The following DIP2B variants were observed in gnomAD, a reference collection of about 807,000 sequenced individuals.
DIP2B encodes DIP2 acetate--CoA ligase B (putative).
A neutral mutation model predicts 198.0 loss-of-function variants in DIP2B; 76 were observed. The observed-to-expected ratio is 0.38, with a 90% CI of 0.32 to 0.46. The LOEUF is 0.46. Among genes scored for constraint, DIP2B ranks in the 20% least tolerant of loss-of-function variants. The probability of loss-of-function intolerance (pLI) is 0.99; values close to 1 mark genes in which losing one functional copy is unlikely to be tolerated. For synonymous variants in DIP2B, 701 were observed against 739.1 expected, an observed-to-expected ratio of 0.95 and a Z score of 0.84; for missense variants, 1,559 against 1,978.4, an observed-to-expected ratio of 0.79 and a Z score of 4.02.
intron 1 of DIP2B, among the ~76,000 whole-genome samples, chr12:50,557,981 T>TA (rs1283035694): frequency 1.3e-5 from 2 of 151,686 alleles, no homozygotes; most frequent in Non-Finnish European, 2.9e-5. Context: ...CCCATCTCTA[T>TA]AAAAAACAAA....
chr12:50,712,539 G>A (rs1304904967), intron 22 of DIP2B, among the ~76,000 whole-genome samples: 1 of 151,968 alleles, frequency 6.6e-6, no homozygotes, highest in Non-Finnish European at 1.5e-5. Context: ...GGGAGGTGGA[G>A]GTTGTGGTGA....
At chr12:50,603,174 AAAT>A (rs1225164798) in intron 1 of DIP2B, among the ~76,000 whole-genome samples, 1 of 151,556 alleles carries the variant, frequency 6.6e-6, no homozygotes, top group Admixed American at 6.6e-5. Context: ...AAAAAAAAAA[AAAT>A]AATAATATTT....
intron 32 of DIP2B, among the ~76,000 whole-genome samples, chr12:50,733,140 A>G (rs1001970727): frequency 1.3e-5 from 2 of 151,898 alleles, no homozygotes; most frequent in Non-Finnish European, 2.9e-5. Context: ...TCCTGACCTC[A>G]AGTGATCCAG....
At chr12:50,714,334 A>G in intron 22 of DIP2B, 61 bp from the exon 23 acceptor site, 1 of 1,591,448 alleles carries the variant, frequency 6.3e-7, no homozygotes, top group Non-Finnish European at 8.6e-7. Context: ...GGATTATACC[A>G]GGAATATGTC....
chr12:50,585,364 A>G (rs1299546416), intron 1 of DIP2B, among the ~76,000 whole-genome samples: 1 of 152,202 alleles, frequency 6.6e-6, no homozygotes, highest in African/African-American at 2.4e-5. Flanking sequence ...GCTGACTGTG[A>G]CCTGTGCCTT....
chr12:50,654,101 T>G (rs1330760974), intron 3 of DIP2B, among the ~76,000 whole-genome samples: 1 of 152,112 alleles, frequency 6.6e-6, no homozygotes, highest in Non-Finnish European at 1.5e-5. Context: ...CTGGAACTCC[T>G]GGCCTCAGAT....
intron 1 of DIP2B, among the ~76,000 whole-genome samples, chr12:50,531,736 G>A (rs1958218903): frequency 6.6e-6 from 1 of 152,178 alleles, no homozygotes; most frequent in African/African-American, 2.4e-5. Context: ...GTGAGGTGGA[G>A]AGAAAGGAAG....
chr12:50,591,706 C>T (rs542763451), intron 1 of DIP2B, among the ~76,000 whole-genome samples: 6 of 151,884 alleles, frequency 4.0e-5, no homozygotes, highest in Non-Finnish European at 5.9e-5. Context: ...GCGGTCATCC[C>T]ACCTGGGCCT....
chr12:50,738,194 G>A lies in DIP2B; in HGVS notation c.4176+1084G>A, dbSNP rs917380730. 2.0e-5 allele frequency among the ~76,000 whole-genome samples: 3 copies of A among 152,156 alleles called. No individual in the cohort carries two copies. In the East Asian group the frequency reaches 5.8e-4, roughly 30 times the overall value. On this transcript the variant is annotated intron_variant, in intron 35 of 37. Coordinates refer to ENST00000301180, the MANE Select transcript of DIP2B (RefSeq NM_173602.3). ...GTCTCTACTAAAAATACAAAAATTA[G>A]CTGGACATGGTGGCGTGTGCCCGTA...
chr12:50,739,297 G>A, intron 35 of DIP2B, 112 bp from the exon 36 acceptor site: 1 of 1,204,272 alleles, frequency 8.3e-7, no homozygotes, highest in Non-Finnish European at 1.2e-6. Flanking sequence ...TGATGCAGTT[G>A]TGTTGTTGTT....
At chr12:50,520,855 A>T (rs1219234732) in intron 1 of DIP2B, among the ~76,000 whole-genome samples, 1 of 151,874 alleles carries the variant, frequency 6.6e-6, no homozygotes, top group Non-Finnish European at 1.5e-5. Context: ...CTTTTTTCTT[A>T]CTAGTATCTG....
At chr12:50,514,617 A>C (rs1353155374) in intron 1 of DIP2B, among the ~76,000 whole-genome samples, 2 of 151,808 alleles carry the variant, frequency 1.3e-5, no homozygotes, top group Non-Finnish European at 2.9e-5. Flanking sequence ...TGTTTCTTTC[A>C]TCTTCAACCT....
intron 3 of DIP2B, among the ~76,000 whole-genome samples, chr12:50,647,866 G>A (rs1938377347): frequency 6.6e-6 from 1 of 152,090 alleles, no homozygotes. Flanking sequence ...TGTAATCCTA[G>A]CATTTTGGGA....
At chr12:50,720,658 T>G (rs768293700) in intron 25 of DIP2B, among the ~76,000 whole-genome samples, 3 of 152,080 alleles carry the variant, frequency 2.0e-5, no homozygotes, top group Non-Finnish European at 2.9e-5. Flanking sequence ...GGCTCATGCC[T>G]ATAATCCCAG....
At chr12:50,591,687 T>C (rs1177112992) in intron 1 of DIP2B, among the ~76,000 whole-genome samples, 1 of 151,832 alleles carries the variant, frequency 6.6e-6, no homozygotes, top group Non-Finnish European at 1.5e-5. Context: ...CTCCAACTCC[T>C]GGACTAAAGC....
At chr12:50,624,479 T>C (rs1433267898) in intron 1 of DIP2B, among the ~76,000 whole-genome samples, 1 of 152,096 alleles carries the variant, frequency 6.6e-6, no homozygotes, top group African/African-American at 2.4e-5. Flanking sequence ...ATTACAGACA[T>C]GTGCCACCAC....
intron 19 of DIP2B, among the ~76,000 whole-genome samples, chr12:50,699,493 A>G (rs888783050): frequency 6.6e-6 from 1 of 152,164 alleles, no homozygotes; most frequent in Non-Finnish European, 1.5e-5. Flanking sequence ...AAGTGCTTAG[A>G]AAGAGCATCT....
chr12:50,741,531 TGC>T lies in DIP2B; in HGVS notation c.4471_4472del (p.Ala1491Ter). ...TSVSRIHRSI[A>X]ECAVFTWTNL... ...CGGTGTCCCGGATCCACAGAAGCAT[TGC>T]TGAATGGTAACTCCCTCAGCATACA... On this transcript the variant is annotated frameshift_variant, in exon 37 of 38. Coordinates refer to ENST00000301180, the MANE Select transcript of DIP2B (RefSeq NM_173602.3). LOFTEE classifies it high-confidence loss of function. The T allele has an allele frequency of 6.2e-7, 1 of 1,613,302 alleles. No individual in the cohort carries two copies. The highest frequency in any genetic ancestry group is 8.5e-7 in the Non-Finnish European group (1 of 1,179,558).
chr12:50,568,100 A>G (rs1958581612), intron 1 of DIP2B, among the ~76,000 whole-genome samples: 1 of 152,124 alleles, frequency 6.6e-6, no homozygotes, highest in Admixed American at 6.6e-5. Context: ...TTCCAGTGTC[A>G]GTTCAGTTCT....
Sources: allele counts gnomAD v4.1 joint callset (sites outside exome capture counted in the v4.1 genomes callset), GRCh38; gene constraint gnomAD v4.1.1; transcripts MANE v1.5; gene names NCBI Gene and HGNC (gene_info 2026-07-23, HGNC 2026-07-21).